The following PTPRD variants were observed in gnomAD, a reference collection of about 807,000 sequenced individuals.
PTPRD encodes the protein receptor-type tyrosine-protein phosphatase delta.
In PTPRD, 34 loss-of-function variants were observed where a neutral mutation model predicts 214.5. The observed-to-expected ratio is 0.16, with a 90% CI of 0.12 to 0.21. The LOEUF (loss-of-function observed/expected upper bound fraction) is 0.21, where lower values mean the gene tolerates loss of function less well. Among genes scored for constraint, PTPRD ranks in the 10% least tolerant of loss-of-function variants. The probability of loss-of-function intolerance (pLI) is 1.00; values close to 1 mark genes in which losing one functional copy is unlikely to be tolerated. For synonymous variants in PTPRD, 1,128 were observed against 845.7 expected (o/e 1.33, Z -5.79); for missense variants, 2,545 against 2,398.7 (o/e 1.06, Z -1.27).
At chr9:9,223,230 A>G (rs547616815) in intron 9 of PTPRD, among the ~76,000 whole-genome samples, 2 of 152,056 alleles carry the variant, frequency 1.3e-5, no homozygotes, top group East Asian at 1.9e-4. Context: ...GGTGGCATCA[A>G]CATGTCATCA....
chr9:9,566,976 G>T (rs1317653308), intron 8 of PTPRD, among the ~76,000 whole-genome samples: 1 of 152,006 alleles, frequency 6.6e-6, no homozygotes, highest in African/African-American at 2.4e-5. Flanking sequence ...GGCAGCAAGG[G>T]CACCAATTTT....
At chr9:10,345,294 T>C (rs988662804) in intron 2 of PTPRD, among the ~76,000 whole-genome samples, 13 of 152,214 alleles carry the variant, frequency 8.5e-5, no homozygotes, top group African/African-American at 3.1e-4. Context: ...TTTGTTATTA[T>C]ACTTTAAGTT....
intron 14 of PTPRD, among the ~76,000 whole-genome samples, chr9:8,548,371 T>C (rs1593377447): frequency 6.6e-6 from 1 of 151,826 alleles, no homozygotes; most frequent in Non-Finnish European, 1.5e-5. Flanking sequence ...GCAGCTGGAA[T>C]TTTGTTTTTT....
chr9:10,243,973 C>A (rs1022336039), intron 3 of PTPRD, among the ~76,000 whole-genome samples: 1 of 151,942 alleles, frequency 6.6e-6, no homozygotes, highest in Admixed American at 6.6e-5. Flanking sequence ...AACCTCTTAA[C>A]AGCTTGTTCA....
chr9:8,783,178 A>C (rs2095804876), intron 11 of PTPRD, among the ~76,000 whole-genome samples: 1 of 152,166 alleles, frequency 6.6e-6, no homozygotes, highest in Non-Finnish European at 1.5e-5. Context: ...TCATAAAGAA[A>C]TCCATTTTAA....
At chr9:10,231,667 G>T (rs10958965) in intron 3 of PTPRD, among the ~76,000 whole-genome samples, 60,250 of 151,772 alleles carry the variant, frequency 0.4, 13,398 homozygotes, top group Admixed American at 0.5. Context: ...CTTAATAAAT[G>T]CTTGTTGAAT....
intron 3 of PTPRD, among the ~76,000 whole-genome samples, chr9:10,162,381 C>A (rs1399198516): frequency 6.6e-6 from 1 of 151,148 alleles, no homozygotes; most frequent in African/African-American, 2.4e-5. Flanking sequence ...GAACAAAATT[C>A]TGTCATTTGC....
intron 11 of PTPRD, among the ~76,000 whole-genome samples, chr9:8,832,408 ATCTT>A (rs1566453310): frequency 1.6e-5 from 1 of 62,932 alleles, no homozygotes; most frequent in Non-Finnish European, 3.1e-5. Context: ...AGCTAAAATC[ATCTT>A]TTTTTTTTTT....
chr9:10,288,288 C>T (rs962250493), intron 3 of PTPRD, among the ~76,000 whole-genome samples: 1 of 142,884 alleles, frequency 7.0e-6, no homozygotes, highest in African/African-American at 2.8e-5. Flanking sequence ...TCATATTATC[C>T]AGTTAAAACG....
chr9:9,867,619 G>GA (rs2064311584), intron 5 of PTPRD, among the ~76,000 whole-genome samples: 1 of 152,090 alleles, frequency 6.6e-6, no homozygotes, highest in Admixed American at 6.6e-5. Flanking sequence ...TGGCTCACAT[G>GA]AAAAATGAAG....
At chr9:8,658,215 G>A (rs2096953657) in intron 12 of PTPRD, among the ~76,000 whole-genome samples, 1 of 152,180 alleles carries the variant, frequency 6.6e-6, no homozygotes, top group Non-Finnish European at 1.5e-5. Flanking sequence ...GGGAATTAAA[G>A]GAGCTCTATA....
intron 3 of PTPRD, among the ~76,000 whole-genome samples, chr9:10,116,344 CA>C (rs2098731178): frequency 6.6e-6 from 1 of 151,966 alleles, no homozygotes; most frequent in Non-Finnish European, 1.5e-5. Flanking sequence ...TGAATTAGTT[CA>C]GGGGGTCACT....
intron 9 of PTPRD, among the ~76,000 whole-genome samples, chr9:9,204,290 T>G (rs532130905): frequency 2.6e-5 from 4 of 152,340 alleles, no homozygotes; most frequent in African/African-American, 9.6e-5. Flanking sequence ...TTCCAGTGAC[T>G]ACATTTCTCA....
intron 2 of PTPRD, among the ~76,000 whole-genome samples, chr9:10,456,511 TCA>T (rs2098918550): frequency 6.6e-6 from 1 of 151,846 alleles, no homozygotes; most frequent in Non-Finnish European, 1.5e-5. Context: ...TTTAAGAAAA[TCA>T]ATTTTTTTCT....
At chr9:9,399,716 G>C (rs2069424524) in intron 8 of PTPRD, among the ~76,000 whole-genome samples, 1 of 151,924 alleles carries the variant, frequency 6.6e-6, no homozygotes, top group Non-Finnish European at 1.5e-5. Flanking sequence ...TTTATAAAGG[G>C]GAGTTCCCCT....
chr9:10,282,628 C>T (rs1390193789), intron 3 of PTPRD, among the ~76,000 whole-genome samples: 1 of 152,122 alleles, frequency 6.6e-6, no homozygotes, highest in Non-Finnish European at 1.5e-5. Context: ...CCTGGCTGTA[C>T]ATTAGAATCA....
chr9:8,656,613 C>T (rs1216954354), intron 12 of PTPRD, among the ~76,000 whole-genome samples: 1 of 152,210 alleles, frequency 6.6e-6, no homozygotes, highest in African/African-American at 2.4e-5. Context: ...GAAGGCCACT[C>T]TTATTTACCT....
intron 3 of PTPRD, among the ~76,000 whole-genome samples, chr9:10,266,727 AT>A (rs1362555125): frequency 6.6e-6 from 1 of 152,024 alleles, no homozygotes; most frequent in Non-Finnish European, 1.5e-5. Flanking sequence ...ATAGCACTGC[AT>A]TGCAGGCTAA....
At chr9:10,388,334 A>G (rs2097967934) in intron 2 of PTPRD, among the ~76,000 whole-genome samples, 2 of 151,824 alleles carry the variant, frequency 1.3e-5, no homozygotes, top group Admixed American at 6.6e-5. Flanking sequence ...TAAAATGATT[A>G]AAAAGAAATA....
Sources: allele counts gnomAD v4.1 joint callset (sites outside exome capture counted in the v4.1 genomes callset), GRCh38; gene constraint gnomAD v4.1.1; transcripts MANE v1.5; gene names NCBI Gene and HGNC (gene_info 2026-07-23, HGNC 2026-07-21).